Variants in CHODL observed in about 807,000 individuals in gnomAD.
CHODL encodes chondrolectin, also known as transmembrane protein MT75.
In CHODL, 29 loss-of-function variants were observed where a neutral mutation model predicts 34.5. That is an observed-to-expected ratio of 0.84 (90% CI 0.63 to 1.15). The LOEUF is 1.15. Ranked by LOEUF, CHODL falls within the 50% of genes most tolerant of loss-of-function variation. CHODL has a pLI of 0.00. For synonymous variants in CHODL, 125 were observed against 116.1 expected (o/e 1.08, Z -0.49); for missense variants, 332 against 332.5 (o/e 1.00, Z 0.01).
intron 2 of CHODL, among the ~76,000 whole-genome samples, chr21:18,205,578 CT>C (rs1308430441): frequency 2.0e-5 from 3 of 152,116 alleles, no homozygotes; most frequent in Admixed American, 2.0e-4. Context: ...TTTTTCTAGT[CT>C]TTTGATGTAG....
At chr21:17,982,696 C>CTTTTTTTTTT (rs397867753) in intron 1 of CHODL, among the ~76,000 whole-genome samples, 4 of 62,978 alleles carry the variant, frequency 6.4e-5, no homozygotes, top group Non-Finnish European at 8.1e-5. Flanking sequence ...TATATATATT[C>CTTTTTTTTTT]TTTTTTTTTT....
intron 2 of CHODL, among the ~76,000 whole-genome samples, chr21:18,163,249 G>A (rs2073117319): frequency 6.6e-6 from 1 of 152,196 alleles, no homozygotes; most frequent in African/African-American, 2.4e-5. Context: ...AAATGAACAA[G>A]TGTCAAAGTT....
chr21:18,236,051 G>T (rs942233399), intron 2 of CHODL, among the ~76,000 whole-genome samples: 1 of 152,102 alleles, frequency 6.6e-6, no homozygotes, highest in Non-Finnish European at 1.5e-5. Flanking sequence ...TCACGCTGCT[G>T]TAAAGAACTG....
upstream of CHODL, among the ~76,000 whole-genome samples, chr21:18,241,488 CA>C (rs1404651509): frequency 1.3e-5 from 2 of 152,112 alleles, no homozygotes; most frequent in Non-Finnish European, 2.9e-5. Context: ...AACATTGTAA[CA>C]AATCTCCTTT....
intron 2 of CHODL, among the ~76,000 whole-genome samples, chr21:18,133,520 T>G (rs2072683241): frequency 6.6e-6 from 1 of 152,146 alleles, no homozygotes; most frequent in South Asian, 2.1e-4. Flanking sequence ...TCTGCATATC[T>G]TGTATCCACT....
intron 2 of CHODL, among the ~76,000 whole-genome samples, chr21:18,123,676 A>C (rs748366420): frequency 3.3e-5 from 5 of 152,250 alleles, no homozygotes; most frequent in East Asian, 3.9e-4. Context: ...TAATGGCATT[A>C]ATTTATTTAT....
chr21:17,936,142 C>G (rs1009230024), intron 1 of CHODL, among the ~76,000 whole-genome samples: 6 of 152,132 alleles, frequency 3.9e-5, no homozygotes, highest in African/African-American at 1.2e-4. Flanking sequence ...ATTAATGTAG[C>G]ATTTTCTACC....
At chr21:17,950,463 A>G (rs1035935061) in intron 1 of CHODL, among the ~76,000 whole-genome samples, 2 of 150,672 alleles carry the variant, frequency 1.3e-5, no homozygotes, top group Non-Finnish European at 3.0e-5. Context: ...TAAAAAGCCT[A>G]TGGTCCCATC....
intron 2 of CHODL, among the ~76,000 whole-genome samples, chr21:18,172,729 C>T (rs2073247172): frequency 6.6e-6 from 1 of 152,168 alleles, no homozygotes; most frequent in South Asian, 2.1e-4. Context: ...TGCAGAAGTC[C>T]CATCTTCTAT....
Position 17,981,850 on chromosome 21 carries a change from A to AT in CHODL, c.-144-46020dup, listed in dbSNP as rs569236275. ...TAATAAAATATCACATAATGGGCCT[A>AT]TTAAATATTAGCATGAGAACTAAAT... On this transcript the variant is annotated intron_variant, in intron 1 of 6. Coordinates refer to the CHODL transcript ENST00000400127. Among the ~76,000 whole-genome samples, 332 of 152,374 alleles carry AT rather than the reference A, an allele frequency of 2.2e-3. 4 individuals carry two copies. Among genetic ancestry groups the AT allele is most frequent in the African/African-American group, 7.7e-3 (320 of 41,598 alleles).
chr21:17,920,646 T>G (rs916687394), intron 1 of CHODL, among the ~76,000 whole-genome samples: 3 of 152,234 alleles, frequency 2.0e-5, no homozygotes, highest in African/African-American at 7.2e-5. Flanking sequence ...TACATTTACA[T>G]TTTTGAGACG....
chr21:18,059,537 A>G (rs1339847373), intron 2 of CHODL, among the ~76,000 whole-genome samples: 1 of 149,612 alleles, frequency 6.7e-6, no homozygotes, highest in African/African-American at 2.5e-5. Context: ...CTGGGGTTAC[A>G]TATGCAGGAT....
intron 2 of CHODL, among the ~76,000 whole-genome samples, chr21:18,118,979 A>C (rs2824636): frequency 0.36 from 54,764 of 152,108 alleles, 10,696 homozygotes; most frequent in African/African-American, 0.47. Context: ...CACTCCCAGC[A>C]GTCAGTTTTA....
chr21:18,044,435 T>C (rs2064415937), intron 2 of CHODL, among the ~76,000 whole-genome samples: 1 of 151,688 alleles, frequency 6.6e-6, no homozygotes, highest in Admixed American at 6.6e-5. Flanking sequence ...AAGAAAAATC[T>C]TTATTTTTTT....
At chr21:18,125,227 A>G (rs2065527559) in intron 2 of CHODL, among the ~76,000 whole-genome samples, 1 of 152,224 alleles carries the variant, frequency 6.6e-6, no homozygotes, top group South Asian at 2.1e-4. Context: ...ATGTAACTTA[A>G]AACACATGGA....
Position 17,952,893 on chromosome 21 carries a change from G to A in CHODL, c.-145+35493G>A, listed in dbSNP as rs371135140. 4.6e-5 allele frequency among the ~76,000 whole-genome samples: 7 copies of A among 152,210 alleles called. No homozygotes were observed. In the South Asian group the frequency reaches 1.2e-3, roughly 27 times the overall value. ...GGCGGAAGGCGAAAGGGAAGCAAGGGACATCTTACATGGCAGCAGGAGAGA... is the reference window on the plus strand; with the variant it reads ...GGCGGAAGGCGAAAGGGAAGCAAGGAACATCTTACATGGCAGCAGGAGAGA... On this transcript the variant is annotated intron_variant, in intron 1 of 6. Coordinates refer to the CHODL transcript ENST00000400127.
chr21:18,028,187 C>CT (rs1475145131), intron 2 of CHODL, among the ~76,000 whole-genome samples: 2 of 151,466 alleles, frequency 1.3e-5, no homozygotes, highest in African/African-American at 4.9e-5. Context: ...ATCACAGCAC[C>CT]TTATTATTTC....
At chr21:17,940,477 T>A (rs1882923) in intron 1 of CHODL, among the ~76,000 whole-genome samples, 119,408 of 152,100 alleles carry the variant, frequency 0.79, 47,710 homozygotes, top group East Asian at 0.99. Context: ...AAGTCTGAGA[T>A]GAAGCAATCT....
At position 18,174,121 on chromosome 21, in the gene CHODL, GTGTATATATATATATATATATA is replaced by G. The variant is rs2073266342; in HGVS notation, c.-44-82386_-44-82365del. Among the ~76,000 whole-genome samples, 373 of 60,872 alleles carry G rather than the reference GTGTATATATATATATATATATA, an allele frequency of 6.1e-3. 67 individuals carry two copies. The highest frequency in any genetic ancestry group is 0.061 in the Admixed American group (342 of 5,650). The allele number at this position is 60,872 out of a possible 152,430, so 39.9% of individuals were successfully genotyped here. A position where few individuals can be genotyped will look rare whatever the true frequency, so the allele number is the denominator to read the frequency against. ...AGGATATATATATATATATATCTTG[GTGTATATATATATATATATATA>G]TATATATATATATATATAAAATCAA... On this transcript the variant is annotated intron_variant, in intron 2 of 6. Transcript: ENST00000400127.
Sources: gnomAD v4.1 joint callset for allele counts (sites outside exome capture counted in the v4.1 genomes callset) on GRCh38, gnomAD v4.1.1 for gene constraint, MANE v1.5 for transcripts, NCBI Gene and HGNC (gene_info 2026-07-23, HGNC 2026-07-21) for gene names.